The following ST18 variants were observed in gnomAD, a reference collection of about 807,000 sequenced individuals.
ST18 encodes the protein ST18 C2H2C-type zinc finger transcription factor.
In ST18, 50 loss-of-function variants were observed where a neutral mutation model predicts 110.0. The observed-to-expected ratio is 0.45, with a 90% CI of 0.36 to 0.58. The LOEUF (loss-of-function observed/expected upper bound fraction) is 0.58, where lower values mean the gene tolerates loss of function less well. Ranked by LOEUF, ST18 falls within the 20% of genes least tolerant of loss-of-function variation. ST18 has a pLI of 0.00. For missense variants in ST18, 1,306 were observed against 1,280.1 expected (o/e 1.02, Z -0.31); for synonymous variants, 461 against 452.4 (o/e 1.02, Z -0.24).
chr8:52,346,791 G>A (rs79373833), intron 2 of ST18, among the ~76,000 whole-genome samples: 3 of 152,112 alleles, frequency 2.0e-5, no homozygotes, highest in Non-Finnish European at 2.9e-5. Flanking sequence ...GGATAGAAAG[G>A]TTTCGAGGGT....
intron 2 of ST18, among the ~76,000 whole-genome samples, chr8:52,361,677 A>T (rs1055171100): frequency 3.3e-5 from 5 of 152,172 alleles, no homozygotes; most frequent in Admixed American, 3.3e-4. Flanking sequence ...AATCTTTTGC[A>T]TCACAGCTAA....
At chr8:52,190,689 C>T (rs978970477) in intron 8 of ST18, among the ~76,000 whole-genome samples, 8 of 152,198 alleles carry the variant, frequency 5.3e-5, no homozygotes, top group African/African-American at 9.7e-5. Context: ...GCTGTGCTAA[C>T]TGCTATCCTT....
At chr8:52,310,891 C>T (rs1047191508) in intron 2 of ST18, among the ~76,000 whole-genome samples, 7 of 94,040 alleles carry the variant, frequency 7.4e-5, no homozygotes, top group East Asian at 6.5e-4. Context: ...GGAGAATGGG[C>T]GGGTGGGCTG....
chr8:52,338,655 C>T (rs576025763), intron 2 of ST18, among the ~76,000 whole-genome samples: 8 of 152,160 alleles, frequency 5.3e-5, no homozygotes, highest in Admixed American at 2.0e-4. Flanking sequence ...AACTCCTGGA[C>T]TAAAGTGATT....
At chr8:52,292,106 T>C (rs1564428491) in intron 2 of ST18, among the ~76,000 whole-genome samples, 1 of 152,226 alleles carries the variant, frequency 6.6e-6, no homozygotes, top group Non-Finnish European at 1.5e-5. Context: ...AAAGTAAATA[T>C]TAACTCTTCT....
chr8:52,132,849 C>A (rs1235354248), intron 21 of ST18, among the ~76,000 whole-genome samples: 1 of 152,124 alleles, frequency 6.6e-6, no homozygotes, highest in Non-Finnish European at 1.5e-5. Context: ...CTTTTTAAAA[C>A]AATCTTTTGC....
chr8:52,248,219 ATAAG>A (rs2094009333), intron 2 of ST18, among the ~76,000 whole-genome samples: 1 of 152,158 alleles, frequency 6.6e-6, no homozygotes, highest in Non-Finnish European at 1.5e-5. Flanking sequence ...ATTTTTCAGT[ATAAG>A]TAATGAAAGT....
At chr8:52,351,279 C>T (rs1272410128) in intron 2 of ST18, among the ~76,000 whole-genome samples, 1 of 152,224 alleles carries the variant, frequency 6.6e-6, no homozygotes, top group Non-Finnish European at 1.5e-5. Flanking sequence ...TCAAGTGACA[C>T]TTCCTCCAGG....
At chr8:52,269,640 G>T (rs1037239973) in intron 2 of ST18, among the ~76,000 whole-genome samples, 1 of 152,136 alleles carries the variant, frequency 6.6e-6, no homozygotes, top group Non-Finnish European at 1.5e-5. Context: ...ACTCTTCCAT[G>T]TATAGTTTGA....
Position 52,374,536 on chromosome 8 carries a change from T to C in ST18, c.-465+34792A>G, listed in dbSNP as rs188820962. On this transcript the variant is annotated intron_variant, in intron 2 of 25. Coordinates refer to ENST00000689386, the MANE Select transcript of ST18 (RefSeq NM_001352837.2). ...TATTTCATTTCATTTCATTTTATTT[T>C]ATTTTTTATGTTCCAGGGTACATGT... is the stretch of plus-strand genomic sequence containing the variant. 1.9e-3 allele frequency among the ~76,000 whole-genome samples: 285 copies of C among 152,314 alleles called. 1 individual carries two copies. Among genetic ancestry groups the C allele is most frequent in the South Asian group, 4.2e-3 (20 of 4,814 alleles).
intron 2 of ST18, among the ~76,000 whole-genome samples, chr8:52,244,708 G>A (rs187045040): frequency 1.3e-3 from 202 of 152,240 alleles, no homozygotes; most frequent in Non-Finnish European, 2.3e-3. Flanking sequence ...GTGAAATAGA[G>A]TCCCAAGGGC....
intron 2 of ST18, among the ~76,000 whole-genome samples, chr8:52,322,132 A>C (rs2139919810): frequency 6.6e-6 from 1 of 152,290 alleles, no homozygotes; most frequent in Non-Finnish European, 1.5e-5. Flanking sequence ...GGGTTCTTTG[A>C]AATTTTTGGA....
At chr8:52,235,641 C>G (rs918602336) in intron 2 of ST18, among the ~76,000 whole-genome samples, 5 of 152,180 alleles carry the variant, frequency 3.3e-5, no homozygotes, top group African/African-American at 1.2e-4. Flanking sequence ...AGTTCAGATT[C>G]ATTTGTAAGA....
At chr8:52,147,157 CA>C (rs1451342237) in intron 16 of ST18, among the ~76,000 whole-genome samples, 1 of 152,138 alleles carries the variant, frequency 6.6e-6, no homozygotes, top group Non-Finnish European at 1.5e-5. Context: ...TAAAGAGCAT[CA>C]ATCCACTCTA....
chr8:52,133,227 G>A lies in ST18; in HGVS notation c.2363+12C>T, dbSNP rs547817696. ...GCTCATTTCCACATCTCAGAAATAA[G>A]ATCAATCCTACCTTCTGTGGGAAGC... On this transcript the variant is annotated intron_variant, in intron 20 of 25. Coordinates refer to ENST00000689386, the MANE Select transcript of ST18 (RefSeq NM_001352837.2). The A allele has an allele frequency of 2.5e-6, 4 of 1,614,160 alleles. No homozygotes were observed. In the South Asian group the frequency reaches 4.4e-5, roughly 18 times the overall value.
intron 10 of ST18, among the ~76,000 whole-genome samples, chr8:52,168,937 T>C (rs2133622053): frequency 6.6e-6 from 1 of 152,240 alleles, no homozygotes; most frequent in South Asian, 2.1e-4. Flanking sequence ...ATAATGTGTA[T>C]TTCGATGCCC....
intron 2 of ST18, among the ~76,000 whole-genome samples, chr8:52,303,889 G>A (rs954478182): frequency 7.9e-5 from 12 of 152,176 alleles, no homozygotes; most frequent in African/African-American, 2.9e-4. Context: ...GGACTTGAAT[G>A]GGGTCTCTGG....
At chr8:52,353,044 C>A (rs1474085513) in intron 2 of ST18, among the ~76,000 whole-genome samples, 1 of 152,164 alleles carries the variant, frequency 6.6e-6, no homozygotes, top group Non-Finnish European at 1.5e-5. Context: ...CACTTTTCCA[C>A]ACTTTTTTGC....
intron 2 of ST18, among the ~76,000 whole-genome samples, chr8:52,282,201 A>C (rs1422645989): frequency 6.6e-6 from 1 of 152,226 alleles, no homozygotes; most frequent in Admixed American, 6.5e-5. Flanking sequence ...TAATTCCAAA[A>C]CCAGGAGGAA....
Sources: allele counts gnomAD v4.1 joint callset (sites outside exome capture counted in the v4.1 genomes callset), GRCh38; gene constraint gnomAD v4.1.1; transcripts MANE v1.5; gene names NCBI Gene and HGNC (gene_info 2026-07-23, HGNC 2026-07-21).